Variants in NRXN3 observed in about 807,000 individuals in gnomAD.
NRXN3 encodes neurexin 3, also known as neurexin III.
Under a neutral mutation model 137.6 loss-of-function variants are expected in NRXN3, and 32 were observed. That is an observed-to-expected ratio of 0.23 (90% CI 0.18 to 0.31). The LOEUF is 0.31. Ranked by LOEUF, NRXN3 falls within the 10% of genes least tolerant of loss-of-function variation. The probability of loss-of-function intolerance (pLI) is 1.00; values close to 1 mark genes in which losing one functional copy is unlikely to be tolerated. For missense variants in NRXN3, 1,574 were observed against 2,062.5 expected, an observed-to-expected ratio of 0.76 and a Z score of 4.59; for synonymous variants, 798 against 784.5, an observed-to-expected ratio of 1.02 and a Z score of -0.29.
chr14:78,252,157 CTTTTTTTTT>C (rs75377107), intron 2 of NRXN3, among the ~76,000 whole-genome samples: 9 of 143,986 alleles, frequency 6.3e-5, no homozygotes, highest in African/African-American at 2.3e-4. Context: ...AAGTTTTTTT[CTTTTTTTTT>C]TTTTTAAATC....
chr14:78,963,030 T>A (rs896205006), intron 11 of NRXN3, among the ~76,000 whole-genome samples: 1 of 151,816 alleles, frequency 6.6e-6, no homozygotes, highest in African/African-American at 2.4e-5. Flanking sequence ...CCTCACCAAC[T>A]TTTAGTTGAG....
At chr14:78,566,831 T>C (rs1600580016) in intron 4 of NRXN3, among the ~76,000 whole-genome samples, 1 of 152,200 alleles carries the variant, frequency 6.6e-6, no homozygotes, top group Non-Finnish European at 1.5e-5. Flanking sequence ...AAGTCCACAG[T>C]CTGTGGCTAG....
chr14:79,656,743 G>T (rs199520717), intron 16 of NRXN3, among the ~76,000 whole-genome samples: 3 of 151,558 alleles, frequency 2.0e-5, no homozygotes, highest in African/African-American at 7.3e-5. Flanking sequence ...GATTGACCTC[G>T]TGCAACCAGA....
intron 15 of NRXN3, among the ~76,000 whole-genome samples, chr14:79,368,737 C>A (rs2093986601): frequency 6.6e-6 from 1 of 152,174 alleles, no homozygotes; most frequent in Non-Finnish European, 1.5e-5. Context: ...AACTTCCCAC[C>A]TAGACATCAG....
intron 4 of NRXN3, among the ~76,000 whole-genome samples, chr14:78,637,931 G>A (rs1417811059): frequency 6.6e-6 from 1 of 152,218 alleles, no homozygotes; most frequent in East Asian, 1.9e-4. Context: ...TACTTTTTAA[G>A]TGAATAAACA....
intron 17 of NRXN3, among the ~76,000 whole-genome samples, chr14:79,677,954 G>T (rs2098649585): frequency 6.6e-6 from 1 of 152,104 alleles, no homozygotes; most frequent in Admixed American, 6.6e-5. Context: ...AAACATTATT[G>T]AACTATTCAG....
At chr14:78,350,742 G>A (rs1057078111) in intron 4 of NRXN3, among the ~76,000 whole-genome samples, 2 of 152,128 alleles carry the variant, frequency 1.3e-5, no homozygotes, top group Non-Finnish European at 2.9e-5. Context: ...TGTATGAGAA[G>A]GGATGAAAGT....
chr14:78,825,402 TCTG>T (rs1289451345), intron 10 of NRXN3, among the ~76,000 whole-genome samples: 2 of 152,166 alleles, frequency 1.3e-5, no homozygotes, highest in Admixed American at 6.5e-5. Context: ...TTAAACCTGC[TCTG>T]CTATTAATTA....
At chr14:78,877,411 A>C (rs1402786693) in intron 10 of NRXN3, among the ~76,000 whole-genome samples, 1 of 152,064 alleles carries the variant, frequency 6.6e-6, no homozygotes, top group Non-Finnish European at 1.5e-5. Flanking sequence ...TCTACCTTCC[A>C]TCTAGATGTC....
intron 4 of NRXN3, among the ~76,000 whole-genome samples, chr14:78,469,165 G>A (rs536326995): frequency 9.9e-4 from 150 of 152,148 alleles, no homozygotes; most frequent in Non-Finnish European, 1.9e-3. Context: ...AAATTTCTGG[G>A]TAGAAGGCCT....
intron 15 of NRXN3, among the ~76,000 whole-genome samples, chr14:79,160,774 G>C (rs1274287485): frequency 6.6e-6 from 1 of 151,960 alleles, no homozygotes; most frequent in Non-Finnish European, 1.5e-5. Flanking sequence ...GTAGGCAGAA[G>C]CTGACAGATG....
chr14:79,673,253 T>C (rs147937214), intron 17 of NRXN3, among the ~76,000 whole-genome samples: 1 of 152,170 alleles, frequency 6.6e-6, no homozygotes, highest in Non-Finnish European at 1.5e-5. Flanking sequence ...ATTTACAGTT[T>C]TCTCCATAAG....
At chr14:78,305,128 C>T (rs1191220181) in intron 4 of NRXN3, among the ~76,000 whole-genome samples, 1 of 152,112 alleles carries the variant, frequency 6.6e-6, no homozygotes. Context: ...ACCAAGAATC[C>T]TTCCTACCCT....
At chr14:78,464,610 A>G (rs959016200) in intron 4 of NRXN3, among the ~76,000 whole-genome samples, 2 of 152,232 alleles carry the variant, frequency 1.3e-5, no homozygotes, top group African/African-American at 4.8e-5. Context: ...AAGAAAAAAT[A>G]AAAGCAAAAT....
intron 15 of NRXN3, among the ~76,000 whole-genome samples, chr14:79,232,632 C>T (rs1355128193): frequency 6.6e-6 from 1 of 152,102 alleles, no homozygotes; most frequent in African/African-American, 2.4e-5. Flanking sequence ...CCTTAGATTT[C>T]AGGTACCACA....
chr14:78,387,903 A>G (rs916809409), intron 4 of NRXN3, among the ~76,000 whole-genome samples: 12 of 152,168 alleles, frequency 7.9e-5, no homozygotes, highest in Admixed American at 7.2e-4. Context: ...GCATTCTTGG[A>G]CCACATGGTG....
At chr14:79,158,259 G>A (rs778787825) in intron 15 of NRXN3, among the ~76,000 whole-genome samples, 2 of 151,600 alleles carry the variant, frequency 1.3e-5, no homozygotes, top group Non-Finnish European at 2.9e-5. Flanking sequence ...CTCTGCTAAG[G>A]CACCTCACAC....
chr14:78,958,745 G>A (rs1486987273), intron 11 of NRXN3, among the ~76,000 whole-genome samples: 1 of 152,204 alleles, frequency 6.6e-6, no homozygotes, highest in Non-Finnish European at 1.5e-5. Flanking sequence ...TGGGAAAGAA[G>A]ATTTGGGGCA....
chr14:78,210,264 T>G (rs1031994202), intron 1 of NRXN3, among the ~76,000 whole-genome samples: 1 of 152,196 alleles, frequency 6.6e-6, no homozygotes, highest in Non-Finnish European at 1.5e-5. Context: ...CTTCAATGTG[T>G]GCTCACATGG....
Sources: gnomAD v4.1 joint callset for allele counts (sites outside exome capture counted in the v4.1 genomes callset) on GRCh38, gnomAD v4.1.1 for gene constraint, MANE v1.5 for transcripts, NCBI Gene and HGNC (gene_info 2026-07-23, HGNC 2026-07-21) for gene names.